Variants in SKOR2 observed in about 807,000 individuals in gnomAD.
The protein encoded by SKOR2 is LBX1 corepressor 1-like protein.
In SKOR2, 47 loss-of-function variants were observed where a neutral mutation model predicts 69.1. The ratio of observed to expected loss-of-function variants is 0.68; its 90% confidence interval spans 0.54 to 0.87. The LOEUF is 0.87. Among genes scored for constraint, SKOR2 ranks in the 40% least tolerant of loss-of-function variants. The pLI is 0.00. For missense variants in SKOR2, 1,404 were observed against 1,472.2 expected (o/e 0.95, Z 0.76); for synonymous variants, 717 against 672.6 (o/e 1.07, Z -1.02).
At chr18:47,214,858 T>C (rs2064138958) in intron 7 of SKOR2, among the ~76,000 whole-genome samples, 2 of 152,082 alleles carry the variant, frequency 1.3e-5, no homozygotes, top group Non-Finnish European at 2.9e-5. Context: ...TCTCCTACAA[T>C]AGGACTTACA....
Position 47,248,408 on chromosome 18 carries a change from A to C in SKOR2, c.776T>G (p.Val259Gly). The stretch of plus-strand genomic sequence containing the variant: ...CGCGGCGGCCACGGCGGCCGCCTTC[A>C]CAGAGCTGAGCGGGTGGCAGGCGGG... ...AHPACHPLSSVKAAAVAAAAA... is the reference protein window; with the variant it reads ...AHPACHPLSSGKAAAVAAAAA... The change falls in exon 2 of 9, where the codon GTG (valine) becomes GGG (glycine). Residue 259 changes from valine (V) to glycine (G), a missense_variant. Transcript: ENST00000425639. The surrounding 1 kb of genome is among the most constrained non-coding windows in gnomAD (Gnocchi z 6.4). 2.0e-6 allele frequency: 3 copies of C among 1,513,740 alleles called. No individual in the cohort carries two copies. The highest frequency in any genetic ancestry group is 2.6e-6 in the Non-Finnish European group (3 of 1,134,878). The allele number at this position is 1,513,740 out of a possible 1,614,324, so 93.8% of individuals were successfully genotyped here. A position where few individuals can be genotyped will look rare whatever the true frequency, so the allele number is the denominator to read the frequency against.
At chr18:47,245,458 G>T in intron 3 of SKOR2, 40 bp downstream of exon 3, 1 of 1,423,070 alleles carries the variant, frequency 7.0e-7, no homozygotes, top group South Asian at 1.4e-5. Flanking sequence ...GTTAAATGCA[G>T]GCAAGAAAAG....
In SKOR2 at chr18:47,248,937, G is replaced by T; in HGVS notation, c.247C>A (p.Arg83Ser). 6.3e-7 allele frequency: 1 copy of T among 1,576,606 alleles called. No homozygotes were observed. ...KNFSYNEIHNRRVALGITCVQ... is the reference protein window; with the variant it reads ...KNFSYNEIHNSRVALGITCVQ... ...CACGTGATGCCCAGTGCCACGCGAC[G>T]GTTGTGGATCTCGTTGTAGCTGAAG... is the stretch of plus-strand genomic sequence containing the variant. Residue 83 changes from arginine to serine, a missense_variant, in exon 2 of 9, where the codon CGT (arginine) becomes AGT (serine). Arg to Ser is a moderately radical substitution (Grantham distance 110). Around this residue, in one of 3 missense-constraint regions of SKOR2, gnomAD observed 34 missense variants for 66.6 expected, o/e 0.51. Transcript: ENST00000425639. The surrounding 1 kb of genome is among the most constrained non-coding windows in gnomAD (Gnocchi z 6.4).
At chr18:47,235,256 A>G (rs905119807) in intron 4 of SKOR2, among the ~76,000 whole-genome samples, 2 of 152,078 alleles carry the variant, frequency 1.3e-5, no homozygotes, top group African/African-American at 4.8e-5. Context: ...GGCTAATCTG[A>G]GTGGGAAGAT....
At chr18:47,211,889 A>C (rs1266598453) in intron 8 of SKOR2, among the ~76,000 whole-genome samples, 197 bp downstream of exon 8, 1 of 152,184 alleles carries the variant, frequency 6.6e-6, no homozygotes, top group African/African-American at 2.4e-5. Context: ...TTTTCCATGG[A>C]ATTTATAAGA....
chr18:47,247,268 A>T lies in SKOR2; in HGVS notation c.1916T>A (p.Leu639Gln), dbSNP rs2064282796. 1 of 1,481,118 alleles carries T rather than the reference A, an allele frequency of 6.8e-7. No individual in the cohort carries two copies. The highest frequency in any genetic ancestry group is 2.3e-5 in the Admixed American group (1 of 44,296). 91.7% of individuals were successfully genotyped at this position (1,481,118 alleles called of 1,614,324 possible). The part of the protein sequence containing the change: ...GKDDAESLAK[L>Q]HGASAGAPHS... ...GGGCGCGCCCGCCGACGCCCCGTGCAGCTTGGCCAGGCTCTCCGCGTCGTC... is the reference window on the plus strand; with the variant it reads ...GGGCGCGCCCGCCGACGCCCCGTGCTGCTTGGCCAGGCTCTCCGCGTCGTC... The change falls in exon 2 of 9, where the codon CTG becomes CAG. Residue 639 changes from leucine (L) to glutamine (Q), a missense_variant. This residue lies in a region of SKOR2 where 1,266 missense variants were observed against 1,309.9 expected (regional missense o/e 0.97). Transcript: ENST00000425639. The surrounding 1 kb of genome is among the most constrained non-coding windows in gnomAD (Gnocchi z 6.6).
At chr18:47,213,214 C>T (rs2064133273) in intron 7 of SKOR2, among the ~76,000 whole-genome samples, 1 of 151,884 alleles carries the variant, frequency 6.6e-6, no homozygotes, top group Admixed American at 6.6e-5. Flanking sequence ...CGACCTTCAT[C>T]ATTACAAGGC....
At chr18:47,221,112 C>T (rs2064159847) in intron 6 of SKOR2, among the ~76,000 whole-genome samples, 1 of 152,152 alleles carries the variant, frequency 6.6e-6, no homozygotes, top group African/African-American at 2.4e-5. Context: ...AATCCTTTAC[C>T]ACTCATGAGA....
chr18:47,208,946 A>C (rs72911207), intron 8 of SKOR2, among the ~76,000 whole-genome samples: 1,833 of 152,322 alleles, frequency 0.012, 21 homozygotes, highest in Non-Finnish European at 0.019. Flanking sequence ...AATGGGGACT[A>C]TGCTTAGGTT....
In SKOR2 at chr18:47,248,654, C is replaced by T; in HGVS notation, c.530G>A (p.Cys177Tyr). Residue 177 changes from cysteine (C) to tyrosine (Y), a missense_variant, in exon 2 of 9, where the codon TGC (cysteine) becomes TAC (tyrosine). Physicochemically the swap from Cys to Tyr is radical, Grantham distance 194. Transcript: ENST00000425639. The surrounding 1 kb of genome is among the most constrained non-coding windows in gnomAD (Gnocchi z 6.4). The stretch of plus-strand genomic sequence containing the variant: ...CTTGTTGGGCGAGAAGTACATGTTG[C>T]AGTAGCTGCATTTGATGCACTTGGC... ...SRAKCIKCSYCNMYFSPNKFI... is the reference protein window; with the variant it reads ...SRAKCIKCSYYNMYFSPNKFI... The T allele has an allele frequency of 6.4e-7, 1 of 1,565,814 alleles. No homozygotes were observed. The highest frequency in any genetic ancestry group is 2.3e-5 in the East Asian group (1 of 42,608).
intron 6 of SKOR2, among the ~76,000 whole-genome samples, chr18:47,222,248 C>T (rs902009347): frequency 1.5e-4 from 23 of 150,828 alleles, no homozygotes; most frequent in African/African-American, 4.2e-4. Flanking sequence ...CCTGGGAAGT[C>T]GAGGCTGCAG....
At chr18:47,237,371 A>G (rs1422196069) in intron 4 of SKOR2, among the ~76,000 whole-genome samples, 1 of 152,246 alleles carries the variant, frequency 6.6e-6, no homozygotes, top group Non-Finnish European at 1.5e-5. Flanking sequence ...GTATATGTCT[A>G]CTGTAGCCTC....
Position 47,219,980 on chromosome 18 carries a change from A to C in SKOR2, c.2948T>G (p.Leu983Arg). Residue 983 changes from leucine (L) to arginine (R), a missense_variant, in exon 7 of 9, where the codon CTA becomes CGA. This residue lies in a region of SKOR2 where 1,266 missense variants were observed against 1,309.9 expected (regional missense o/e 0.97). Coordinates refer to ENST00000425639, the MANE Select transcript of SKOR2 (RefSeq NM_001278063.4). ...TTGCACCATTTCTTCTCGGTAGGCTAGCTCCCTTTTCATCTGATCCTGAAA... is the reference window on the plus strand; with the variant it reads ...TTGCACCATTTCTTCTCGGTAGGCTCGCTCCCTTTTCATCTGATCCTGAAA... ...NNFQDQMKRE[L>R]AYREEMVQQL... 6.5e-7 allele frequency: 1 copy of C among 1,536,276 alleles called. No individual in the cohort carries two copies. Among genetic ancestry groups the C allele is most frequent in the Non-Finnish European group, 8.7e-7 (1 of 1,147,004 alleles).
intron 4 of SKOR2, among the ~76,000 whole-genome samples, chr18:47,231,663 G>C (rs2064199116): frequency 1.3e-5 from 2 of 152,026 alleles, no homozygotes; most frequent in Non-Finnish European, 2.9e-5. Flanking sequence ...GACCAACATG[G>C]AGAAACCCCG....
intron 8 of SKOR2, among the ~76,000 whole-genome samples, chr18:47,210,076 T>C (rs2064123482): frequency 6.6e-6 from 1 of 152,114 alleles, no homozygotes; most frequent in Non-Finnish European, 1.5e-5. Flanking sequence ...AGACCCTGTC[T>C]CAAAACAAAA....
At position 47,244,889 on chromosome 18, in the gene SKOR2, T is replaced by G. The variant is rs767415647; in HGVS notation, c.2752+19A>C. 9.1e-6 allele frequency: 14 copies of G among 1,533,618 alleles called. No individual in the cohort carries two copies. Among genetic ancestry groups the G allele is most frequent in the Non-Finnish European group, 9.6e-6 (11 of 1,145,254 alleles). On this transcript the variant is annotated intron_variant, in intron 4 of 8. Coordinates refer to ENST00000425639, the MANE Select transcript of SKOR2 (RefSeq NM_001278063.4). ...CCTGTCATCTGACTATTCATTCCTC[T>G]TATTTGTTCCCAGCCTACCTGATCT...
At position 47,246,670 on chromosome 18, in the gene SKOR2, CGGCGGGGGCGGG is replaced by C. The variant is rs1383120627; in HGVS notation, c.2502_2513del (p.Pro837_Pro840del). The C allele has an allele frequency of 2.7e-6, 4 of 1,481,854 alleles. No individual in the cohort carries two copies. The highest frequency in any genetic ancestry group is 3.6e-6 in the Non-Finnish European group (4 of 1,124,630). 91.8% of individuals were successfully genotyped at this position (1,481,854 alleles called of 1,614,324 possible). On this transcript the variant is annotated inframe_deletion, in exon 2 of 9. Coordinates refer to ENST00000425639, the MANE Select transcript of SKOR2 (RefSeq NM_001278063.4). ...TCGCCTTCTGGGGGGCCAGGGGCGG[CGGCGGGGGCGGG>C]GGCAGGTCCGAGCCGGGGTCCCCGA...
intron 4 of SKOR2, among the ~76,000 whole-genome samples, chr18:47,232,462 C>T (rs2064203467): frequency 6.6e-6 from 1 of 152,308 alleles, no homozygotes; most frequent in East Asian, 1.9e-4. Flanking sequence ...ATCCTCAATG[C>T]TCACATAATT....
At chr18:47,215,342 AG>A (rs2042348126) in intron 7 of SKOR2, among the ~76,000 whole-genome samples, 1 of 152,174 alleles carries the variant, frequency 6.6e-6, no homozygotes, top group Non-Finnish European at 1.5e-5. Context: ...AATGCAAAAT[AG>A]TAATGGTCCT....
Sources: allele counts gnomAD v4.1 joint callset (sites outside exome capture counted in the v4.1 genomes callset), GRCh38; gene constraint gnomAD v4.1.1; regional missense constraint gnomAD v4.1.1; non-coding constraint Gnocchi (gnomAD v3.1); transcripts MANE v1.5; gene names NCBI Gene and HGNC (gene_info 2026-07-23, HGNC 2026-07-21).